Variants in LGALS9 observed in about 807,000 individuals in gnomAD.
LGALS9 encodes galectin-9.
In LGALS9, 26 loss-of-function variants were observed where a neutral mutation model predicts 35.9. That is an observed-to-expected ratio of 0.72 (90% confidence interval 0.53 to 1.01). LGALS9 has a LOEUF of 1.01. Ranked by LOEUF, LGALS9 falls within the 50% of genes least tolerant of loss-of-function variation. The pLI is 0.00. For synonymous variants in LGALS9, 149 were observed against 172.2 expected (o/e 0.87, Z 1.06); for missense variants, 347 against 445.8 (o/e 0.78, Z 1.99).
At chr17:27,644,715 G>C (rs1409268230) in intron 5 of LGALS9, 2 of 155,354 alleles carry the variant, frequency 1.3e-5, no homozygotes, top group African/African-American at 4.8e-5. Context: ...CGAGCCCCAG[G>C]GAACATTTGC....
chr17:27,641,976 T>A (rs890958777), intron 3 of LGALS9, among the ~76,000 whole-genome samples: 6 of 151,614 alleles, frequency 4.0e-5, no homozygotes, highest in Non-Finnish European at 7.4e-5. Context: ...AAATAAATAA[T>A]TAATAAATGA....
chr17:27,644,997 T>G, intron 5 of LGALS9: 2 of 409,024 alleles, frequency 4.9e-6, no homozygotes, highest in South Asian at 3.8e-5. Context: ...ACCTTATGGG[T>G]GAAATATGGC....
rs1213724448 is a variant in LGALS9, at chr17:27,640,551, A to G, written c.132-21A>G. On this transcript the variant is annotated intron_variant, in intron 2 of 10. Coordinates refer to ENST00000395473, the MANE Select transcript of LGALS9 (RefSeq NM_009587.3). ...GCAATAATCCATGCCACAGAAGACT[A>G]TTTGCTTTCCCTGGGCCTAGGTTTG... The G allele has an allele frequency of 4.3e-6, 7 of 1,613,780 alleles. No individual in the cohort carries two copies. The African/African-American group carries it at 5.3e-5, about 12-fold the overall frequency.
chr17:27,648,364 G>A (rs1905089413), intron 10 of LGALS9, among the ~76,000 whole-genome samples: 1 of 152,238 alleles, frequency 6.6e-6, no homozygotes, highest in South Asian at 2.1e-4. Flanking sequence ...ATTTCCTAGA[G>A]TTGTAAGAAT....
intron 1 of LGALS9, among the ~76,000 whole-genome samples, chr17:27,636,356 C>A (rs2074451211): frequency 6.6e-6 from 1 of 152,254 alleles, no homozygotes; most frequent in Non-Finnish European, 1.5e-5. Flanking sequence ...TCAGGCCTAT[C>A]TTGCTTCATC....
intron 3 of LGALS9, among the ~76,000 whole-genome samples, 182 bp from the exon 4 acceptor site, chr17:27,642,056 A>G (rs1904548355): frequency 6.6e-6 from 1 of 152,188 alleles, no homozygotes; most frequent in Admixed American, 6.5e-5. Flanking sequence ...GAAAAGTCCA[A>G]CTGGAGCCTG....
rs757734354 is a variant in LGALS9, at chr17:27,648,831, C to A, written c.922-5C>A. Reference sequence around the variant, plus strand: ...TGTAGTGCAAACGGCATGATCTCTGCACAGGTGTGGATCTTGTGTGAAGCT... The same window carrying A: ...TGTAGTGCAAACGGCATGATCTCTGAACAGGTGTGGATCTTGTGTGAAGCT... On this transcript the variant is annotated splice_polypyrimidine_tract_variant and splice_region_variant and intron_variant, in intron 10 of 10. Coordinates refer to ENST00000395473, the MANE Select transcript of LGALS9 (RefSeq NM_009587.3). 1.9e-6 allele frequency: 3 copies of A among 1,613,472 alleles called. No homozygotes were observed. Among genetic ancestry groups the A allele is most frequent in the African/African-American group, 1.3e-5 (1 of 74,754 alleles).
intron 4 of LGALS9, among the ~76,000 whole-genome samples, 183 bp from the exon 5 acceptor site, chr17:27,643,342 C>A (rs916962400): frequency 1.3e-5 from 2 of 152,140 alleles, no homozygotes; most frequent in African/African-American, 4.8e-5. Context: ...GGAGGGAGAC[C>A]GCACCCCTGC....
chr17:27,647,086 C>G lies in LGALS9; in HGVS notation c.726C>G (p.Leu242=). Residue 242 remains leucine, a synonymous_variant, in exon 9 of 11, where the codon CTC becomes CTG. Coordinates refer to ENST00000395473, the MANE Select transcript of LGALS9 (RefSeq NM_009587.3). ...GGCTGTACCCATCCAAGTCCATCCTCCTGTCAGGCACTGTCCTGCCCAGTG... is the reference window on the plus strand; with the variant it reads ...GGCTGTACCCATCCAAGTCCATCCTGCTGTCAGGCACTGTCCTGCCCAGTG... The part of the protein sequence containing the change: ...LGGLYPSKSI[L]LSGTVLPSAQ... The G allele has an allele frequency of 6.2e-7, 1 of 1,614,184 alleles. No homozygotes were observed. Among genetic ancestry groups the G allele is most frequent in the African/African-American group, 1.3e-5 (1 of 75,048 alleles).
intron 1 of LGALS9, among the ~76,000 whole-genome samples, chr17:27,633,179 G>GGA: frequency 6.6e-6 from 1 of 152,342 alleles, no homozygotes; most frequent in Non-Finnish European, 1.5e-5. Flanking sequence ...TTGCTGACCA[G>GGA]TTGTGTAACT....
chr17:27,640,330 T>C (rs1904369112), intron 2 of LGALS9: 1 of 601,036 alleles, frequency 1.7e-6, no homozygotes, highest in South Asian at 2.0e-5. Flanking sequence ...CCAGCACTTT[T>C]CCTTAACCGT....
intron 3 of LGALS9, 23 bp downstream of exon 3, chr17:27,640,796 C>G: frequency 6.2e-7 from 1 of 1,613,192 alleles, no homozygotes; most frequent in South Asian, 1.1e-5. Context: ...CCCCTCCCCA[C>G]CTCTCACCCC....
At chr17:27,634,667 C>T (rs2074425600) in intron 1 of LGALS9, among the ~76,000 whole-genome samples, 2 of 152,352 alleles carry the variant, frequency 1.3e-5, no homozygotes, top group South Asian at 4.1e-4. Context: ...CACTGATCCT[C>T]CTGCCTTCCT....
Position 27,647,083 on chromosome 17 carries a change from C to T in LGALS9, c.723C>T (p.Ile241=), listed in dbSNP as rs1023687792. 6.2e-7 allele frequency: 1 copy of T among 1,614,214 alleles called. No individual in the cohort carries two copies. The highest frequency in any genetic ancestry group is 2.2e-5 in the East Asian group (1 of 44,890). The change falls in exon 9 of 11, where the codon ATC becomes ATT. Residue 241 remains isoleucine (I), a synonymous_variant. Transcript: ENST00000395473. ...GAGGGCTGTACCCATCCAAGTCCAT[C>T]CTCCTGTCAGGCACTGTCCTGCCCA... The part of the protein sequence containing the change: ...ILGGLYPSKS[I]LLSGTVLPSA...
At chr17:27,646,699 G>A in intron 8 of LGALS9, 111 bp downstream of exon 8, 1 of 1,556,298 alleles carries the variant, frequency 6.4e-7, no homozygotes. Flanking sequence ...GCAGTCATTT[G>A]TTAAGCTGAA....
rs1479576333 is a variant in LGALS9, at chr17:27,648,999, G to A, written c.*17G>A. 8.1e-6 allele frequency: 13 copies of A among 1,613,774 alleles called. No individual in the cohort carries two copies. In the Admixed American group the frequency reaches 1.5e-4, roughly 19 times the overall value. On this transcript the variant is annotated 3_prime_UTR_variant, in exon 11 of 11. Coordinates refer to ENST00000395473, the MANE Select transcript of LGALS9 (RefSeq NM_009587.3). ...CAGACATAGGCGGCTTCCTGGCCCT[G>A]GGGCCGGGGGCTGGGGTGTGGGGCA...
chr17:27,641,028 G>T (rs749882915), intron 3 of LGALS9: 7 of 692,864 alleles, frequency 1.0e-5, no homozygotes, highest in African/African-American at 1.8e-5. Flanking sequence ...TTGCTATTTG[G>T]TGTTGTGTGT....
intron 2 of LGALS9, chr17:27,640,268 C>T (rs758051307): frequency 2.1e-5 from 9 of 434,152 alleles, no homozygotes; most frequent in Admixed American, 1.1e-4. Context: ...CTTCCATCTT[C>T]GGTATCAATT....
chr17:27,637,283 C>T (rs1231105567), intron 1 of LGALS9, among the ~76,000 whole-genome samples: 3 of 152,134 alleles, frequency 2.0e-5, no homozygotes, highest in Non-Finnish European at 4.4e-5. Context: ...GTCTCTTTTA[C>T]CACAGGCTGT....
Sources: allele counts gnomAD v4.1 joint callset (sites outside exome capture counted in the v4.1 genomes callset), GRCh38; gene constraint gnomAD v4.1.1; transcripts MANE v1.5; gene names NCBI Gene and HGNC (gene_info 2026-07-23, HGNC 2026-07-21).